The following MDFIC variants were observed in gnomAD, a reference collection of about 807,000 sequenced individuals.
The protein encoded by MDFIC is myoD family inhibitor domain-containing protein.
A neutral mutation model predicts 23.2 loss-of-function variants in MDFIC; 17 were observed. The ratio of observed to expected loss-of-function variants is 0.73; its 90% CI spans 0.50 to 1.10. The LOEUF is 1.10. Ranked by LOEUF, MDFIC falls within the 50% of genes least tolerant of loss-of-function variation. The pLI, the probability that MDFIC is intolerant of heterozygous loss-of-function variation, is 0.00. For synonymous variants in MDFIC, 120 were observed against 115.2 expected (o/e 1.04, Z -0.27); for missense variants, 356 against 316.6 (o/e 1.12, Z -0.95).
At chr7:114,992,347 C>G (rs1791189985) in intron 4 of MDFIC, among the ~76,000 whole-genome samples, 1 of 149,136 alleles carries the variant, frequency 6.7e-6, no homozygotes, top group South Asian at 2.2e-4. Context: ...TTATTTCTTT[C>G]TCCTGCCTGA....
intron 4 of MDFIC, among the ~76,000 whole-genome samples, chr7:114,982,741 A>C (rs962033617): frequency 1.3e-5 from 2 of 152,116 alleles, no homozygotes; most frequent in African/African-American, 4.8e-5. Context: ...TATTTGATAA[A>C]GATCAGAAGT....
intron 2 of MDFIC, among the ~76,000 whole-genome samples, chr7:114,924,612 T>C (rs1221003734): frequency 6.6e-6 from 1 of 152,186 alleles, no homozygotes; most frequent in African/African-American, 2.4e-5. Flanking sequence ...CAACACACGT[T>C]ATCAGTGTAG....
At chr7:114,958,282 C>T (rs1347943185) in intron 3 of MDFIC, among the ~76,000 whole-genome samples, 2 of 152,166 alleles carry the variant, frequency 1.3e-5, no homozygotes, top group African/African-American at 4.8e-5. Context: ...AATTAGGATA[C>T]CACATACACA....
At chr7:114,945,424 C>T (rs1453989915) in intron 3 of MDFIC, among the ~76,000 whole-genome samples, 1 of 152,100 alleles carries the variant, frequency 6.6e-6, no homozygotes, top group Non-Finnish European at 1.5e-5. Flanking sequence ...CCTGCTTGAA[C>T]TCATACTTGG....
At chr7:114,973,168 A>G (rs113982723) in intron 3 of MDFIC, among the ~76,000 whole-genome samples, 18 of 151,622 alleles carry the variant, frequency 1.2e-4, no homozygotes, top group African/African-American at 4.4e-4. Flanking sequence ...ATAGTTGTTA[A>G]TAGGCCTTGA....
chr7:114,942,401 AGTATTTTT>A lies in MDFIC; in HGVS notation c.217+5_217+12del. Reference sequence around the variant, plus strand: ...TCGGATGGTGAACTCATTAGAAGTAAGTATTTTTAGAAAAAACTTTGAGTGATTTTGGG... The same window carrying A: ...TCGGATGGTGAACTCATTAGAAGTAAAGAAAAAACTTTGAGTGATTTTGGG... On this transcript the variant is annotated splice_donor_5th_base_variant and intron_variant, in intron 3 of 4. Coordinates refer to ENST00000393486, the MANE Select transcript of MDFIC (RefSeq NM_001166345.3). 6.4e-7 allele frequency: 1 copy of A among 1,560,748 alleles called. No homozygotes were observed. The highest frequency in any genetic ancestry group is 8.6e-7 in the Non-Finnish European group (1 of 1,158,112).
Position 114,964,043 on chromosome 7 carries a change from T to C in MDFIC, c.218-15463T>C, listed in dbSNP as rs117150107. Reference sequence around the variant, plus strand: ...TTTCAACTTCCTGTTTTTCTTCAAGTGCTGAAATCTTTTTATTGTTCTATT... The same window carrying C: ...TTTCAACTTCCTGTTTTTCTTCAAGCGCTGAAATCTTTTTATTGTTCTATT... On this transcript the variant is annotated intron_variant, in intron 3 of 4. Transcript: ENST00000393486. 2.5e-3 allele frequency among the ~76,000 whole-genome samples: 381 copies of C among 152,364 alleles called. 1 individual carries two copies. The highest frequency in any genetic ancestry group is 3.4e-3 in the Non-Finnish European group (230 of 68,042).
intron 2 of MDFIC, among the ~76,000 whole-genome samples, chr7:114,924,687 A>T: frequency 6.6e-6 from 1 of 152,308 alleles, no homozygotes; most frequent in East Asian, 1.9e-4. Context: ...ATACATTTTT[A>T]TTATTATTAG....
chr7:114,945,826 A>G (rs570635831), intron 3 of MDFIC, among the ~76,000 whole-genome samples: 27 of 152,194 alleles, frequency 1.8e-4, no homozygotes, highest in Non-Finnish European at 3.2e-4. Context: ...CTCTTTTTTT[A>G]TTTTATGACT....
intron 4 of MDFIC, among the ~76,000 whole-genome samples, chr7:115,009,117 C>A (rs528015797): frequency 5.0e-4 from 76 of 152,270 alleles, no homozygotes; most frequent in Admixed American, 1.8e-3. Context: ...TGCTAATAAA[C>A]CTTTGTTTCT....
chr7:114,950,172 G>T (rs770750740), intron 3 of MDFIC, among the ~76,000 whole-genome samples: 2 of 152,116 alleles, frequency 1.3e-5, no homozygotes. Context: ...AAGGACTGAA[G>T]GCATTAAGAG....
chr7:115,008,759 A>T (rs1053823778), intron 4 of MDFIC, among the ~76,000 whole-genome samples: 2 of 152,172 alleles, frequency 1.3e-5, no homozygotes, highest in Non-Finnish European at 2.9e-5. Flanking sequence ...CAGAGGCTAG[A>T]TGCTCACTTA....
In MDFIC at chr7:114,922,237, C is replaced by T; in HGVS notation, c.-507C>T. ...CGAGCCCGGGTCGCGCCGCTCCCAG[C>T]ATCGGGGCCGCTAGCCAAGAGTTCG... On this transcript the variant is annotated 5_prime_UTR_variant, in exon 1 of 5. Transcript: ENST00000393486. The T allele has an allele frequency of 3.6e-6, 2 of 560,724 alleles. No homozygotes were observed. Among genetic ancestry groups the T allele is most frequent in the Non-Finnish European group, 5.3e-6 (2 of 375,884 alleles). 34.7% of individuals were successfully genotyped at this position (560,724 alleles called of 1,614,324 possible).
Position 115,017,152 on chromosome 7 carries a change from A to G in MDFIC, c.*1217A>G, listed in dbSNP as rs1412882573. ...AACCAGTTAAAAGAACAGTGCCTTC[A>G]GCATACTTTTTTATTAGTTGTAGGA... On this transcript the variant is annotated 3_prime_UTR_variant, in exon 5 of 5. Coordinates refer to ENST00000393486, the MANE Select transcript of MDFIC (RefSeq NM_001166345.3). The G allele has an allele frequency of 6.6e-6, 1 of 152,222 alleles. No homozygotes were observed. The highest frequency in any genetic ancestry group is 2.4e-5 in the African/African-American group (1 of 41,468). The allele number at this position is 152,222 out of a possible 1,614,324, so 9.4% of individuals were successfully genotyped here.
intron 2 of MDFIC, chr7:114,923,748 T>C (rs762026234): frequency 9.8e-7 from 1 of 1,024,270 alleles, no homozygotes; most frequent in Non-Finnish European, 1.3e-6. Context: ...GAAACTTCCA[T>C]AACAAGCTTC....
In MDFIC at chr7:114,923,484, C is replaced by A. The variant is rs139790140; in HGVS notation, c.94+357C>A. Reference sequence around the variant, plus strand: ...GTCTCTTCAGCAGATCCAGGACTGCCGCAGCTCTCTGAACAAGCGTGCACT... The same window carrying A: ...GTCTCTTCAGCAGATCCAGGACTGCAGCAGCTCTCTGAACAAGCGTGCACT... On this transcript the variant is annotated intron_variant, in intron 2 of 4. Coordinates refer to ENST00000393486, the MANE Select transcript of MDFIC (RefSeq NM_001166345.3). 19 of 1,537,802 alleles carry A rather than the reference C, an allele frequency of 1.2e-5. No individual in the cohort carries two copies. In the East Asian group the frequency reaches 4.4e-4, roughly 36 times the overall value.
At chr7:114,961,261 G>T (rs1212213354) in intron 3 of MDFIC, among the ~76,000 whole-genome samples, 2 of 152,092 alleles carry the variant, frequency 1.3e-5, no homozygotes, top group East Asian at 1.9e-4. Context: ...ATGAACCAGA[G>T]ATTACGAATT....
chr7:114,923,189 C>G (rs1241486542), intron 2 of MDFIC, 62 bp downstream of exon 2: 3 of 1,521,654 alleles, frequency 2.0e-6, no homozygotes, highest in Admixed American at 3.9e-5. Flanking sequence ...AGTTTGCTCA[C>G]AAGTGCACAG....
At chr7:114,938,908 T>C (rs73441293) in intron 2 of MDFIC, among the ~76,000 whole-genome samples, 3,185 of 152,256 alleles carry the variant, frequency 0.021, 83 homozygotes, top group African/African-American at 0.063. Flanking sequence ...AAAAACCTAC[T>C]CTGATAATAG....
Sources: allele counts gnomAD v4.1 joint callset (sites outside exome capture counted in the v4.1 genomes callset), GRCh38; gene constraint gnomAD v4.1.1; transcripts MANE v1.5; gene names NCBI Gene and HGNC (gene_info 2026-07-23, HGNC 2026-07-21).